DIP2C: variants seen among roughly 807,000 people sequenced by gnomAD.
DIP2C encodes the protein disco-interacting protein 2 homolog C.
A neutral mutation model predicts 192.4 loss-of-function variants in DIP2C; 33 were observed. The observed-to-expected ratio is 0.17, with a 90% CI of 0.13 to 0.23. The LOEUF is 0.23. DIP2C is among the 10% of genes least tolerant of loss of function. DIP2C has a pLI of 1.00. For missense variants in DIP2C, 1,537 were observed against 2,110.1 expected (o/e 0.73, Z 5.32); for synonymous variants, 979 against 864.1 (o/e 1.13, Z -2.33).
At chr10:557,598 T>A (rs1008358712) in intron 1 of DIP2C, among the ~76,000 whole-genome samples, 1 of 135,986 alleles carries the variant, frequency 7.4e-6, no homozygotes, top group South Asian at 2.6e-4. Context: ...CAATACCAAG[T>A]GAAAAACAAC....
At chr10:410,024 C>A (rs1392769923) in intron 8 of DIP2C, among the ~76,000 whole-genome samples, 1 of 152,186 alleles carries the variant, frequency 6.6e-6, no homozygotes, top group African/African-American at 2.4e-5. Flanking sequence ...TCAGTACCAT[C>A]ACTGTTTTAA....
intron 8 of DIP2C, among the ~76,000 whole-genome samples, chr10:409,728 T>C (rs560353279): frequency 6.6e-6 from 1 of 152,322 alleles, no homozygotes; most frequent in South Asian, 2.1e-4. Flanking sequence ...GGCTCCAAAC[T>C]CACAAGCCCT....
Position 362,631 on chromosome 10 carries a change from G to T in DIP2C, c.2653C>A (p.Leu885Ile), listed in dbSNP as rs749305118. ...ATCCCACCAAGCGGGGTTTTGGGGAGGGTGTTTGCTGGCACCAAGGCCAGG... is the reference window on the plus strand; with the variant it reads ...ATCCCACCAAGCGGGGTTTTGGGGATGGTGTTTGCTGGCACCAAGGCCAGG... ...YCLALVPANT[L>I]PKTPLGGIHL... The change falls in exon 22 of 37, where the codon CTC becomes ATC. Residue 885 changes from leucine to isoleucine, a missense_variant. Transcript: ENST00000280886. 6.2e-7 allele frequency: 1 copy of T among 1,614,116 alleles called. No individual in the cohort carries two copies. The highest frequency in any genetic ancestry group is 8.5e-7 in the Non-Finnish European group (1 of 1,180,014).
chr10:571,292 G>GC (rs1241501929), intron 1 of DIP2C, among the ~76,000 whole-genome samples: 1 of 152,148 alleles, frequency 6.6e-6, no homozygotes. Context: ...GTCAGCAACA[G>GC]CCCCACTGAG....
intron 14 of DIP2C, among the ~76,000 whole-genome samples, chr10:386,633 G>A (rs1472719412): frequency 1.3e-5 from 2 of 152,212 alleles, no homozygotes; most frequent in African/African-American, 4.8e-5. Flanking sequence ...GGGCTGCTCT[G>A]CAGCCACAGA....
At chr10:404,210 ATT>A (rs200567522) in intron 9 of DIP2C, among the ~76,000 whole-genome samples, 80,094 of 146,318 alleles carry the variant, frequency 0.55, 21,516 homozygotes, top group South Asian at 0.68. Context: ...TTCATTCTGG[ATT>A]TTTTTTTTTT....
chr10:485,286 G>A (rs571419934), intron 2 of DIP2C, among the ~76,000 whole-genome samples: 7 of 152,346 alleles, frequency 4.6e-5, no homozygotes, highest in South Asian at 2.1e-4. Context: ...GGGACAGGGC[G>A]GGGGCAGCTG....
chr10:475,590 A>C (rs1970994417), intron 2 of DIP2C, among the ~76,000 whole-genome samples: 1 of 152,200 alleles, frequency 6.6e-6, no homozygotes, highest in African/African-American at 2.4e-5. Flanking sequence ...CTACTTTTGC[A>C]TACCATCCTC....
intron 1 of DIP2C, among the ~76,000 whole-genome samples, chr10:530,653 TA>T (rs59344971): frequency 0.058 from 6,160 of 105,956 alleles, 171 homozygotes; most frequent in African/African-American, 0.096. Context: ...CCCTATCTCT[TA>T]AAAAAAAAAA....
intron 17 of DIP2C, among the ~76,000 whole-genome samples, chr10:373,286 C>G (rs897135372): frequency 6.6e-6 from 1 of 152,220 alleles, no homozygotes; most frequent in East Asian, 1.9e-4. Flanking sequence ...GCAAACATCA[C>G]AGTCAAAAGG....
chr10:537,647 A>G (rs561486591), intron 1 of DIP2C, among the ~76,000 whole-genome samples: 1 of 149,888 alleles, frequency 6.7e-6, no homozygotes, highest in East Asian at 2.0e-4. Context: ...TGTTTCCCCC[A>G]TTAACATGAC....
intron 29 of DIP2C, among the ~76,000 whole-genome samples, chr10:337,744 G>A (rs566107418): frequency 2.0e-5 from 2 of 100,644 alleles, no homozygotes; most frequent in South Asian, 7.4e-4. Flanking sequence ...TGTTGTGGAG[G>A]ACTAGGCTGA....
chr10:530,526 A>G (rs1329156263), intron 1 of DIP2C, among the ~76,000 whole-genome samples: 1 of 151,900 alleles, frequency 6.6e-6, no homozygotes, highest in Non-Finnish European at 1.5e-5. Flanking sequence ...ACTTTTAAAA[A>G]CATGGCTGTA....
chr10:438,065 T>A (rs564672041), intron 4 of DIP2C: 1 of 152,248 alleles, frequency 6.6e-6, no homozygotes, highest in East Asian at 1.9e-4. Context: ...TCACAAGGAC[T>A]CCTGATGAAA....
intron 3 of DIP2C, among the ~76,000 whole-genome samples, chr10:453,514 G>A (rs777062639): frequency 6.6e-6 from 1 of 152,232 alleles, no homozygotes; most frequent in Non-Finnish European, 1.5e-5. Flanking sequence ...AGAGGGCAGT[G>A]ATTGTCTAGT....
chr10:393,778 CAAAAAAAAA>C (rs34390976), intron 10 of DIP2C, among the ~76,000 whole-genome samples: 14 of 66,722 alleles, frequency 2.1e-4, no homozygotes, highest in East Asian at 1.3e-3. Context: ...GACTCCGTCT[CAAAAAAAAA>C]AAAAAAAAAG....
intron 8 of DIP2C, among the ~76,000 whole-genome samples, chr10:413,085 C>T (rs1052679963): frequency 2.0e-5 from 3 of 152,058 alleles, no homozygotes; most frequent in Admixed American, 6.6e-5. Context: ...CCTCCTCCTG[C>T]CTCAGCTCCC....
At chr10:553,400 T>C (rs768785917) in intron 1 of DIP2C, among the ~76,000 whole-genome samples, 9 of 152,240 alleles carry the variant, frequency 5.9e-5, no homozygotes, top group Non-Finnish European at 1.3e-4. Context: ...CCTCAAGCCC[T>C]TCGTGAGCCT....
intron 1 of DIP2C, among the ~76,000 whole-genome samples, chr10:610,794 C>T (rs1207087427): frequency 6.7e-6 from 1 of 149,396 alleles, no homozygotes; most frequent in Non-Finnish European, 1.5e-5. Context: ...AGGTGACTGA[C>T]TCATGGGGGT....
Sources: allele counts gnomAD v4.1 joint callset (sites outside exome capture counted in the v4.1 genomes callset), GRCh38; gene constraint gnomAD v4.1.1; transcripts MANE v1.5; gene names NCBI Gene and HGNC (gene_info 2026-07-23, HGNC 2026-07-21).